DNAH12: variants seen among roughly 807,000 people sequenced by gnomAD.
The protein encoded by DNAH12 is axonemal beta dynein heavy chain 12.
A neutral mutation model predicts 371.5 loss-of-function variants in DNAH12; 285 were observed. That is an observed-to-expected ratio of 0.77 (90% CI 0.70 to 0.85). The LOEUF (loss-of-function observed/expected upper bound fraction) is 0.85, where lower values mean the gene tolerates loss of function less well. Among genes scored for constraint, DNAH12 ranks in the 40% least tolerant of loss-of-function variants. DNAH12 has a pLI of 0.00. For synonymous variants in DNAH12, 1,200 were observed against 1,213.0 expected, an observed-to-expected ratio of 0.99 and a Z score of 0.22; for missense variants, 3,611 against 3,689.4, an observed-to-expected ratio of 0.98 and a Z score of 0.55.
At chr3:57,325,899 G>C (rs1413503368) in intron 62 of DNAH12, among the ~76,000 whole-genome samples, 1 of 152,162 alleles carries the variant, frequency 6.6e-6, no homozygotes, top group African/African-American at 2.4e-5. Context: ...GAAAGCCAAG[G>C]CACGAGAACT....
chr3:57,314,679 C>T lies in DNAH12; in HGVS notation c.10525-48G>A. The stretch of plus-strand genomic sequence containing the variant: ...CAAGAAAAAAAATTCCGGTCAGATT[C>T]CATCAGTAAAATGAGAGGAATAGAT... On this transcript the variant is annotated intron_variant, in intron 65 of 73. Transcript: ENST00000495027. 2.0e-6 allele frequency: 3 copies of T among 1,497,626 alleles called. No homozygotes were observed. In the South Asian group the frequency reaches 4.0e-5, roughly 20 times the overall value. 92.8% of individuals were successfully genotyped at this position (1,497,626 alleles called of 1,614,324 possible).
intron 25 of DNAH12, among the ~76,000 whole-genome samples, chr3:57,449,647 G>A (rs2065681725): frequency 1.3e-5 from 2 of 152,296 alleles, no homozygotes; most frequent in South Asian, 2.1e-4. Context: ...AGAGTGCGGG[G>A]CCCGCCAAGC....
chr3:57,362,698 A>C (rs1322242693), intron 58 of DNAH12, among the ~76,000 whole-genome samples: 1 of 152,064 alleles, frequency 6.6e-6, no homozygotes, highest in Non-Finnish European at 1.5e-5. Flanking sequence ...TCCTTTGCCC[A>C]CTTTTTGATG....
At chr3:57,442,966 G>A (rs2065355628) in intron 29 of DNAH12, among the ~76,000 whole-genome samples, 1 of 152,186 alleles carries the variant, frequency 6.6e-6, no homozygotes, top group South Asian at 2.1e-4. Context: ...GGTGGTTTAT[G>A]AACGCTGAAC....
intron 4 of DNAH12, among the ~76,000 whole-genome samples, chr3:57,513,548 T>G (rs564324701): frequency 6.6e-6 from 1 of 152,340 alleles, no homozygotes; most frequent in East Asian, 1.9e-4. Flanking sequence ...TAAAAATGGT[T>G]AAGATGGTTT....
the DNAH12 span, among the ~76,000 whole-genome samples, chr3:57,549,432 G>A: frequency 5.3e-5 from 8 of 150,924 alleles, no homozygotes; most frequent in East Asian, 2.0e-4. Flanking sequence ...TGGGAGAATC[G>A]CTTGAACCCA....
In DNAH12 at chr3:57,333,329, C is replaced by CTTT. The variant is rs34135477; in HGVS notation, c.9978+1133_9978+1135dup. 3.3e-3 allele frequency among the ~76,000 whole-genome samples: 372 copies of CTTT among 111,064 alleles called. 22 individuals are homozygous for CTTT. The highest frequency in any genetic ancestry group is 0.012 in the African/African-American group (252 of 21,906). The allele number at this position is 111,064 out of a possible 152,430, so 72.9% of individuals were successfully genotyped here. A position where few individuals can be genotyped will look rare whatever the true frequency, so the allele number is the denominator to read the frequency against. ...CGGATACATGTTCTTTTTAAGGCAACTTTTTTTTTTTTTTTTTTTTAGATG... is the reference window on the plus strand; with the variant it reads ...CGGATACATGTTCTTTTTAAGGCAACTTTTTTTTTTTTTTTTTTTTTTTAGATG... On this transcript the variant is annotated intron_variant, in intron 62 of 73. Coordinates refer to ENST00000495027, the MANE Select transcript of DNAH12 (RefSeq NM_001366028.2).
chr3:57,373,417 G>C (rs2063217723), intron 55 of DNAH12, among the ~76,000 whole-genome samples: 1 of 151,294 alleles, frequency 6.6e-6, no homozygotes, highest in Non-Finnish European at 1.5e-5. Context: ...CCAGGTTCAA[G>C]TGATTCTCCT....
At chr3:57,301,663 T>A (rs62252001) in intron 70 of DNAH12, 72 bp downstream of exon 70, 237,158 of 1,407,198 alleles carry the variant, frequency 0.17, 27,157 homozygotes, top group African/African-American at 0.31. Context: ...TTTTACATAT[T>A]TATACATGTA....
chr3:57,404,999 T>A lies in DNAH12; in HGVS notation c.6725A>T (p.His2242Leu), dbSNP rs1575553775. ...DQCLDEYNQTHKTRMNLVIFR... is the reference protein window; with the variant it reads ...DQCLDEYNQTLKTRMNLVIFR... Reference sequence around the variant, plus strand: ...AATGACAAGATTCATTCTTGTTTTGTGTGTTTGATTATACTCATCTAAGCA... The same window carrying A: ...AATGACAAGATTCATTCTTGTTTTGAGTGTTTGATTATACTCATCTAAGCA... Residue 2242 changes from histidine (H) to leucine (L), a missense_variant, in exon 42 of 74, where the codon CAC becomes CTC. His to Leu is a moderately conservative substitution (Grantham distance 99). Transcript: ENST00000495027. The A allele has an allele frequency of 1.3e-6, 2 of 1,523,372 alleles. No homozygotes were observed. Among genetic ancestry groups the A allele is most frequent in the African/African-American group, 1.4e-5 (1 of 71,148 alleles). The allele number at this position is 1,523,372 out of a possible 1,614,324, so 94.4% of individuals were successfully genotyped here.
chr3:57,486,579 T>A (rs1179278955), intron 12 of DNAH12, among the ~76,000 whole-genome samples: 3 of 152,204 alleles, frequency 2.0e-5, no homozygotes, highest in African/African-American at 7.2e-5. Flanking sequence ...TTCACTCATT[T>A]AATAAATAGC....
chr3:57,466,776 C>A (rs868664910), intron 17 of DNAH12, among the ~76,000 whole-genome samples: 174 of 152,074 alleles, frequency 1.1e-3, no homozygotes, highest in African/African-American at 3.9e-3. Context: ...GAGACAGGGT[C>A]TTACTCTGTT....
chr3:57,354,967 G>C (rs1203505805), intron 59 of DNAH12, among the ~76,000 whole-genome samples: 1 of 152,282 alleles, frequency 6.6e-6, no homozygotes, highest in East Asian at 1.9e-4. Flanking sequence ...CAAGGGTTAC[G>C]GAAGGGGTAA....
At chr3:57,413,619 T>C (rs1490677868) in intron 39 of DNAH12, 127 bp downstream of exon 39, 15 of 1,018,000 alleles carry the variant, frequency 1.5e-5, no homozygotes, top group Admixed American at 2.9e-5. Context: ...AGAGGCTTCA[T>C]GTATAGGAAA....
chr3:57,432,261 C>T (rs2064980026), intron 32 of DNAH12, among the ~76,000 whole-genome samples: 1 of 148,036 alleles, frequency 6.8e-6, no homozygotes, highest in South Asian at 2.1e-4. Context: ...CCTCTGCCTC[C>T]TGGGTTCAAG....
intron 43 of DNAH12, among the ~76,000 whole-genome samples, chr3:57,401,571 AAAAAAAAAAAAG>A (rs2063865864): frequency 2.7e-5 from 4 of 148,492 alleles, no homozygotes; most frequent in African/African-American, 2.5e-5. Context: ...CTCAAAAAAA[AAAAAAAAAAAAG>A]AAGAAGAAGA....
chr3:57,503,305 A>G (rs1318521894), intron 9 of DNAH12, among the ~76,000 whole-genome samples: 1 of 152,140 alleles, frequency 6.6e-6, no homozygotes, highest in African/African-American at 2.4e-5. Flanking sequence ...AAGTTGGGTT[A>G]GTTTTCTATC....
intron 2 of DNAH12, chr3:57,530,640 T>C (rs1442689993): frequency 1.4e-5 from 7 of 514,772 alleles, no homozygotes; most frequent in Non-Finnish European, 2.5e-5. Flanking sequence ...TTTTCACCAC[T>C]GTCAGTAGAG....
intron 13 of DNAH12, among the ~76,000 whole-genome samples, chr3:57,481,333 G>C (rs1484325132): frequency 7.2e-5 from 11 of 152,072 alleles, no homozygotes; most frequent in Non-Finnish European, 1.3e-4. Flanking sequence ...GCTTCAAAGA[G>C]AATAAAACAC....
Sources: gnomAD v4.1 joint callset for allele counts (sites outside exome capture counted in the v4.1 genomes callset) on GRCh38, gnomAD v4.1.1 for gene constraint, MANE v1.5 for transcripts, NCBI Gene and HGNC (gene_info 2026-07-23, HGNC 2026-07-21) for gene names.